Variants in KCNMA1 observed in about 807,000 individuals in gnomAD.
KCNMA1 encodes the protein Calcium-activated potassium channel subunit alpha-1.
In KCNMA1, 29 loss-of-function variants were observed where a neutral mutation model predicts 140.0. That is an observed-to-expected ratio of 0.21 (90% CI 0.15 to 0.28). KCNMA1 has a LOEUF of 0.28. Among genes scored for constraint, KCNMA1 ranks in the 10% least tolerant of loss-of-function variants. The probability of loss-of-function intolerance (pLI) is 1.00; values close to 1 mark genes in which losing one functional copy is unlikely to be tolerated. For missense variants in KCNMA1, 880 were observed against 1,602.2 expected, an observed-to-expected ratio of 0.55 and a Z score of 7.70; for synonymous variants, 612 against 611.9, an observed-to-expected ratio of 1.00 and a Z score of 0.00.
intron 2 of KCNMA1, among the ~76,000 whole-genome samples, chr10:77,369,334 C>G (rs1421406802): frequency 6.6e-6 from 1 of 152,140 alleles, no homozygotes; most frequent in Non-Finnish European, 1.5e-5. Context: ...AAGCCTAGAC[C>G]TCACTCAGAC....
In KCNMA1 at chr10:77,027,992, C is replaced by T. The variant is rs528581517; in HGVS notation, c.1860-101G>A. 9 of 1,023,456 alleles carry T rather than the reference C, an allele frequency of 8.8e-6. No homozygotes were observed. In the East Asian group the frequency reaches 2.2e-4, roughly 25 times the overall value. 63.4% of individuals were successfully genotyped at this position (1,023,456 alleles called of 1,614,324 possible). A position where few individuals can be genotyped will look rare whatever the true frequency, so the allele number is the denominator to read the frequency against. ...TTTCGGTCTCCTAATGCAGTCATTACCGAGGGGATCCTCATTCCACCGGCA... is the reference window on the plus strand; with the variant it reads ...TTTCGGTCTCCTAATGCAGTCATTATCGAGGGGATCCTCATTCCACCGGCA... On this transcript the variant is annotated intron_variant, in intron 15 of 27. Transcript: ENST00000286628.
chr10:76,967,395 C>G (rs895525147), intron 20 of KCNMA1, among the ~76,000 whole-genome samples: 3 of 152,124 alleles, frequency 2.0e-5, no homozygotes, highest in Admixed American at 1.3e-4. Context: ...GGAAAAGCCA[C>G]AGGGAGCTGG....
In KCNMA1 at chr10:76,920,016, G is replaced by GTATATGTATA. The variant is rs1377571381; in HGVS notation, c.2903-4968_2903-4967insTATACATATA. On this transcript the variant is annotated intron_variant, in intron 23 of 27. Transcript: ENST00000286628. ...TGTGTGTGTGTGTGTGTGTGTGTGT[G>GTATATGTATA]TGTGTATATATATATATATATATAT... is the stretch of plus-strand genomic sequence containing the variant. 2.5e-3 allele frequency among the ~76,000 whole-genome samples: 112 copies of GTATATGTATA among 44,262 alleles called. 1 individual carries two copies. Among genetic ancestry groups the GTATATGTATA allele is most frequent in the African/African-American group, 7.2e-3 (62 of 8,622 alleles). 29.0% of individuals were successfully genotyped at this position (44,262 alleles called of 152,430 possible). A position where few individuals can be genotyped will look rare whatever the true frequency, so the allele number is the denominator to read the frequency against.
At chr10:77,296,280 A>C (rs541285890) in intron 2 of KCNMA1, among the ~76,000 whole-genome samples, 1 of 152,174 alleles carries the variant, frequency 6.6e-6, no homozygotes, top group Non-Finnish European at 1.5e-5. Context: ...GGAAGGGGCC[A>C]TGGACCAAAA....
At chr10:77,299,415 G>A in intron 2 of KCNMA1, among the ~76,000 whole-genome samples, 1 of 152,160 alleles carries the variant, frequency 6.6e-6, no homozygotes, top group East Asian at 1.9e-4. Context: ...TGCTCCCTAG[G>A]CCAGCATCTG....
At chr10:77,622,546 G>A (rs1346097038) in intron 1 of KCNMA1, among the ~76,000 whole-genome samples, 1 of 152,148 alleles carries the variant, frequency 6.6e-6, no homozygotes, top group African/African-American at 2.4e-5. Flanking sequence ...TTGTTGTGAG[G>A]ATTATATAAT....
At chr10:76,945,112 CT>C (rs1565095028) in intron 22 of KCNMA1, 147 bp from the exon 23 acceptor site, 3 of 740,560 alleles carry the variant, frequency 4.1e-6, no homozygotes, top group Admixed American at 2.1e-5. Flanking sequence ...TAACAAGTAT[CT>C]TTTTTATGCC....
chr10:77,387,675 T>C lies in KCNMA1; in HGVS notation c.540+16187A>G, dbSNP rs1024249090. Reference sequence around the variant, plus strand: ...CTCTGTCACCCAGGTTGGAGTCCAGTAGCGTGATCTCGGCTCACTGCAACC... The same window carrying C: ...CTCTGTCACCCAGGTTGGAGTCCAGCAGCGTGATCTCGGCTCACTGCAACC... On this transcript the variant is annotated intron_variant, in intron 2 of 27. Transcript: ENST00000286628. Among the ~76,000 whole-genome samples the C allele has an allele frequency of 6.6e-5, 10 of 151,942 alleles. No individual in the cohort carries two copies. The East Asian group carries it at 1.9e-3, about 29-fold the overall frequency.
At chr10:77,483,394 C>G (rs957442981) in intron 1 of KCNMA1, among the ~76,000 whole-genome samples, 11 of 152,174 alleles carry the variant, frequency 7.2e-5, no homozygotes, top group Non-Finnish European at 1.3e-4. Flanking sequence ...CCTGAGGAGC[C>G]GGGGTGGTGA....
intron 19 of KCNMA1, among the ~76,000 whole-genome samples, chr10:76,997,472 G>A (rs1363955115): frequency 6.6e-6 from 1 of 152,198 alleles, no homozygotes; most frequent in East Asian, 1.9e-4. Flanking sequence ...TTGTGCCAGA[G>A]TTACTGATGC....
chr10:77,633,055 G>A (rs917080719), intron 1 of KCNMA1, among the ~76,000 whole-genome samples: 9 of 152,200 alleles, frequency 5.9e-5, no homozygotes, highest in East Asian at 5.8e-4. Context: ...CGTGCCTCAC[G>A]CCTGTAATCC....
intron 25 of KCNMA1, 135 bp downstream of exon 25, chr10:76,909,831 C>T: frequency 3.4e-6 from 3 of 878,352 alleles, no homozygotes; most frequent in East Asian, 2.7e-5. Flanking sequence ...GTGGGTCTCC[C>T]CTTCTAAGGT....
At chr10:77,538,227 A>ACACACTCACAAACACACATATACTGT (rs2059390822) in intron 1 of KCNMA1, among the ~76,000 whole-genome samples, 1 of 151,662 alleles carries the variant, frequency 6.6e-6, no homozygotes, top group Admixed American at 6.6e-5. Context: ...CACATACTCT[A>ACACACTCACAAACACACATATACTGT]CACACTCACA....
intron 14 of KCNMA1, among the ~76,000 whole-genome samples, chr10:77,069,153 C>G (rs1037264462): frequency 6.6e-6 from 1 of 152,114 alleles, no homozygotes; most frequent in Non-Finnish European, 1.5e-5. Context: ...AAGTTCATTG[C>G]CTGGGTCTTT....
chr10:76,878,403 A>G (rs1009182750), intron 29 of KCNMA1, among the ~76,000 whole-genome samples: 2 of 152,032 alleles, frequency 1.3e-5, no homozygotes, highest in African/African-American at 4.8e-5. Flanking sequence ...TAATACACAC[A>G]CTTAAAGCCA....
rs1187442257 is a variant in KCNMA1 at position 77,034,243 on chromosome 10, C to CAA, written c.1859+5283_1859+5284dup. Among the ~76,000 whole-genome samples, 107 of 71,334 alleles carry CAA rather than the reference C, an allele frequency of 1.5e-3. 1 individual carries two copies. Among genetic ancestry groups the CAA allele is most frequent in the African/African-American group, 2.6e-3 (54 of 20,460 alleles). 46.8% of individuals were successfully genotyped at this position (71,334 alleles called of 152,430 possible). A position where few individuals can be genotyped will look rare whatever the true frequency, so the allele number is the denominator to read the frequency against. On this transcript the variant is annotated intron_variant, in intron 15 of 27. Transcript: ENST00000286628. ...TGGGCTACAGAGTGAGACTCCATCT[C>CAA]AAAAAAAAAAAAAAAAAAAGAGAGA...
intron 3 of KCNMA1, among the ~76,000 whole-genome samples, chr10:77,210,110 A>C (rs2045566344): frequency 6.6e-6 from 1 of 152,126 alleles, no homozygotes; most frequent in Non-Finnish European, 1.5e-5. Context: ...GACACAACAA[A>C]AAAAGAAAAA....
At chr10:77,363,944 T>C (rs1260888790) in intron 2 of KCNMA1, among the ~76,000 whole-genome samples, 4 of 152,186 alleles carry the variant, frequency 2.6e-5, no homozygotes, top group African/African-American at 9.7e-5. Flanking sequence ...TTTGTGTTTA[T>C]TGTCCTCGCT....
At chr10:77,235,173 A>G (rs1293473251) in intron 3 of KCNMA1, among the ~76,000 whole-genome samples, 1 of 152,194 alleles carries the variant, frequency 6.6e-6, no homozygotes, top group African/African-American at 2.4e-5. Context: ...GGCCTCATTC[A>G]GGGCATTAAG....
Sources: allele counts gnomAD v4.1 joint callset (sites outside exome capture counted in the v4.1 genomes callset), GRCh38; gene constraint gnomAD v4.1.1; transcripts MANE v1.5; gene names NCBI Gene and HGNC (gene_info 2026-07-23, HGNC 2026-07-21).